GSTA5: variants seen among roughly 807,000 people sequenced by gnomAD.
GSTA5 encodes glutathione S-transferase alpha 5, also known as glutathione S-transferase A5.
A neutral mutation model predicts 21.8 loss-of-function variants in GSTA5; 25 were observed. The ratio of observed to expected loss-of-function variants is 1.14; its 90% CI spans 0.83 to 1.60. The LOEUF is 1.60. Ranked by LOEUF, GSTA5 falls within the 40% of genes most tolerant of loss-of-function variation. GSTA5 has a pLI of 0.00. For synonymous variants in GSTA5, 102 were observed against 89.5 expected (o/e 1.14, Z -0.78); for missense variants, 330 against 259.2 (o/e 1.27, Z -1.88).
At chr6:52,837,450 C>A (rs1408941022) in intron 2 of GSTA5, 108 bp downstream of exon 2, 7 of 672,622 alleles carry the variant, frequency 1.0e-5, no homozygotes, top group African/African-American at 1.8e-5. Context: ...CCCTCTCCAC[C>A]GTGACTAAAT....
intron 4 of GSTA5, 21 bp from the exon 5 acceptor site, chr6:52,833,011 G>T: frequency 6.2e-7 from 1 of 1,613,870 alleles, no homozygotes; most frequent in Non-Finnish European, 8.5e-7. Context: ...GGAGGAATCA[G>T]ATCAGGAACA....
chr6:52,841,946 G>C (rs1423019503), upstream of GSTA5, among the ~76,000 whole-genome samples: 1 of 152,208 alleles, frequency 6.6e-6, no homozygotes, highest in African/African-American at 2.4e-5. Context: ...AAATAAAATA[G>C]AAAAGAATAA....
upstream of GSTA5, among the ~76,000 whole-genome samples, chr6:52,842,923 C>G (rs114656848): frequency 0.039 from 5,955 of 152,168 alleles, 214 homozygotes; most frequent in South Asian, 0.13. Flanking sequence ...CACTATAGGT[C>G]CCGGTGTGTG....
chr6:52,839,254 GC>G, intron 1 of GSTA5, among the ~76,000 whole-genome samples: 1 of 152,320 alleles, frequency 6.6e-6, no homozygotes, highest in Non-Finnish European at 1.5e-5. Context: ...TCTGCAGTCA[GC>G]CCTGCCCCCG....
At chr6:52,843,310 C>A (rs932101376), upstream of GSTA5, among the ~76,000 whole-genome samples, 11 of 152,284 alleles carry the variant, frequency 7.2e-5, no homozygotes, top group African/African-American at 2.2e-4. Context: ...AGTTCTAGAT[C>A]CTTGAGGAAT....
upstream of GSTA5, among the ~76,000 whole-genome samples, chr6:52,845,318 G>A (rs375368126): frequency 1.0e-3 from 153 of 152,198 alleles, no homozygotes; most frequent in African/African-American, 3.7e-3. Context: ...TGCTCCAGAG[G>A]ACATTGAGCA....
At chr6:52,831,724 G>T in exon 6 of GSTA5, 2 of 1,106,640 alleles carry the variant, frequency 1.8e-6, no homozygotes, top group Non-Finnish European at 2.6e-6. Context: ...TATTTAATTA[G>T]CATGTAATTG....
chr6:52,834,692 C>T (rs569847767), intron 3 of GSTA5, among the ~76,000 whole-genome samples: 1 of 152,280 alleles, frequency 6.6e-6, no homozygotes, highest in African/African-American at 2.4e-5. Flanking sequence ...GGCCAAAGAG[C>T]TGCCCTCTAA....
At chr6:52,832,803 T>C (rs55815585) in intron 5 of GSTA5, 56 bp downstream of exon 5, 38 of 1,607,644 alleles carry the variant, frequency 2.4e-5, no homozygotes, top group Non-Finnish European at 3.0e-5. Flanking sequence ...GGCCCAGATA[T>C]GAGATCCCAA....
At chr6:52,831,966 A>T in exon 6 of GSTA5, 1 of 1,612,554 alleles carries the variant, frequency 6.2e-7, no homozygotes, top group Non-Finnish European at 8.5e-7. Flanking sequence ...TCTGGTTTTC[A>T]GGGCCTGTAA....
intron 1 of GSTA5, among the ~76,000 whole-genome samples, chr6:52,839,826 A>G (rs1183039287): frequency 6.6e-6 from 1 of 152,218 alleles, no homozygotes; most frequent in African/African-American, 2.4e-5. Context: ...TGGGAGGATG[A>G]CCTGGTAACA....
At chr6:52,832,084 G>A in intron 5 of GSTA5, 114 bp from the exon 6 acceptor site, 1 of 1,397,522 alleles carries the variant, frequency 7.2e-7, no homozygotes, top group Non-Finnish European at 9.6e-7. Flanking sequence ...CCCTCCATGA[G>A]TACCAGCATG....
chr6:52,838,889 A>G (rs2127324804), intron 1 of GSTA5, among the ~76,000 whole-genome samples: 1 of 152,358 alleles, frequency 6.6e-6, no homozygotes, highest in East Asian at 1.9e-4. Flanking sequence ...TTCAAAATGC[A>G]TGATACAGGG....
intron 4 of GSTA5, among the ~76,000 whole-genome samples, chr6:52,833,583 T>C (rs1360059300): frequency 6.6e-6 from 1 of 152,242 alleles, no homozygotes; most frequent in African/African-American, 2.4e-5. Flanking sequence ...ATTTGCAAGC[T>C]GAAGTGTTTA....
At chr6:52,834,202 T>A (rs1171902361) in exon 4 of GSTA5, 1 of 1,614,032 alleles carries the variant, frequency 6.2e-7, no homozygotes, top group Non-Finnish European at 8.5e-7. Context: ...AGTCTTGGCA[T>A]CTCTTTCCTC....
At chr6:52,836,166 C>T in intron 3 of GSTA5, 70 bp downstream of exon 3, 1 of 1,560,100 alleles carries the variant, frequency 6.4e-7, no homozygotes, top group East Asian at 2.2e-5. Flanking sequence ...GCCATGGTCC[C>T]ACCCACTCAA....
intron 3 of GSTA5, among the ~76,000 whole-genome samples, chr6:52,834,508 T>C (rs1018439982): frequency 2.6e-5 from 4 of 152,164 alleles, no homozygotes; most frequent in African/African-American, 9.7e-5. Context: ...CCTATCAAGG[T>C]AGATAGATCT....
chr6:52,841,267 G>T (rs973450403), upstream of GSTA5, among the ~76,000 whole-genome samples: 13 of 152,156 alleles, frequency 8.5e-5, no homozygotes, highest in Admixed American at 6.5e-4. Flanking sequence ...GAACATCAGA[G>T]AAATACAATG....
chr6:52,835,647 G>A (rs145618807), intron 3 of GSTA5, among the ~76,000 whole-genome samples: 13 of 152,294 alleles, frequency 8.5e-5, no homozygotes, highest in East Asian at 3.9e-4. Context: ...ACAGAGAGGA[G>A]ACCCCTTGGC....
Sources: allele counts gnomAD v4.1 joint callset (sites outside exome capture counted in the v4.1 genomes callset), GRCh38; gene constraint gnomAD v4.1.1; transcripts MANE v1.5; gene names NCBI Gene and HGNC (gene_info 2026-07-23, HGNC 2026-07-21).